The following VPS13D variants were observed in gnomAD, a reference collection of about 807,000 sequenced individuals.
The protein encoded by VPS13D is intermembrane lipid transfer protein VPS13D.
A neutral mutation model predicts 461.9 loss-of-function variants in VPS13D; 187 were observed. The ratio of observed to expected loss-of-function variants is 0.40; its 90% CI spans 0.36 to 0.46. The LOEUF (loss-of-function observed/expected upper bound fraction) is 0.46, where lower values mean the gene tolerates loss of function less well. Among genes scored for constraint, VPS13D ranks in the 20% least tolerant of loss-of-function variants. The pLI is 0.60. For missense variants in VPS13D, 4,711 were observed against 5,364.9 expected (o/e 0.88, Z 3.81); for synonymous variants, 1,951 against 1,986.3 (o/e 0.98, Z 0.47).
At chr1:12,266,374 G>T (rs1219421047) in intron 13 of VPS13D, among the ~76,000 whole-genome samples, 1 of 152,142 alleles carries the variant, frequency 6.6e-6, no homozygotes, top group Non-Finnish European at 1.5e-5. Flanking sequence ...AAACTTCGTT[G>T]TTGTCTTATT....
chr1:12,480,207 C>T (rs1010169975), intron 67 of VPS13D, among the ~76,000 whole-genome samples: 16 of 152,350 alleles, frequency 1.1e-4, no homozygotes, highest in African/African-American at 3.4e-4. Flanking sequence ...CACTTCTCTG[C>T]TGCAACCCAT....
At chr1:12,259,491 A>G (rs1200806356) in intron 10 of VPS13D, among the ~76,000 whole-genome samples, 1 of 151,504 alleles carries the variant, frequency 6.6e-6, no homozygotes, top group African/African-American at 2.4e-5. Flanking sequence ...ATTTATAGAG[A>G]CAGGGTTTCG....
chr1:12,400,471 T>C, intron 61 of VPS13D, 141 bp downstream of exon 61: 1 of 1,072,036 alleles, frequency 9.3e-7, no homozygotes, highest in Non-Finnish European at 1.3e-6. Context: ...CATAATAGAT[T>C]GTTTGGAGGA....
intron 18 of VPS13D, among the ~76,000 whole-genome samples, chr1:12,275,550 G>T (rs974708912): frequency 6.6e-6 from 1 of 152,214 alleles, no homozygotes; most frequent in Admixed American, 6.5e-5. Context: ...GGAGAAGTGG[G>T]GAGGCAGCAT....
At chr1:12,362,143 A>G (rs12096016) in intron 50 of VPS13D, among the ~76,000 whole-genome samples, 6,381 of 152,044 alleles carry the variant, frequency 0.042, 451 homozygotes, top group African/African-American at 0.14. Context: ...GATTACAGGC[A>G]TGAGCCACCA....
intron 7 of VPS13D, among the ~76,000 whole-genome samples, chr1:12,254,513 C>CTTTTTTTTT (rs1017635589): frequency 1.3e-5 from 1 of 78,256 alleles, no homozygotes; most frequent in Non-Finnish European, 2.6e-5. Context: ...AAATCTCAAT[C>CTTTTTTTTT]TTTTTTTTTT....
intron 67 of VPS13D, among the ~76,000 whole-genome samples, chr1:12,487,622 AAAAG>A (rs1033457979): frequency 2.0e-5 from 3 of 151,272 alleles, no homozygotes; most frequent in African/African-American, 7.3e-5. Context: ...AAAAAAAAAA[AAAAG>A]CAAACAAATC....
In VPS13D at chr1:12,289,198, C is replaced by T. The variant is rs1642055765; in HGVS notation, c.5725+885C>T. 2.0e-5 allele frequency among the ~76,000 whole-genome samples: 3 copies of T among 151,922 alleles called. No individual in the cohort carries two copies. In the South Asian group the frequency reaches 6.2e-4, roughly 32 times the overall value. ...AAATTCTTAGTTGAATACAAGTGAT[C>T]AACTACATCAGGTTCTAAATAGTAG... On this transcript the variant is annotated intron_variant, in intron 22 of 69. Transcript: ENST00000620676.
rs1557705699 is a variant in VPS13D at position 12,318,062 on chromosome 1, CT to C, written c.7149-5del. 2.5e-6 allele frequency: 4 copies of C among 1,595,170 alleles called. No homozygotes were observed. The highest frequency in any genetic ancestry group is 1.7e-4 in the Middle Eastern group (1 of 6,002). On this transcript the variant is annotated splice_polypyrimidine_tract_variant and intron_variant, in intron 30 of 69. Coordinates refer to ENST00000620676, the MANE Select transcript of VPS13D (RefSeq NM_015378.4). ...TTTCCTATTTATTTTCTCCTGTCTT[CT>C]TTTTATAGATCTACCAAGGATTCCT...
At chr1:12,398,890 G>GAA (rs1171525338) in intron 60 of VPS13D, among the ~76,000 whole-genome samples, 2 of 152,162 alleles carry the variant, frequency 1.3e-5, no homozygotes, top group Non-Finnish European at 2.9e-5. Context: ...CTGGCCTTGG[G>GAA]GTCAGACAGA....
chr1:12,452,324 G>A (rs1231905078), intron 65 of VPS13D, among the ~76,000 whole-genome samples: 2 of 152,204 alleles, frequency 1.3e-5, no homozygotes, highest in South Asian at 2.1e-4. Context: ...ATGAAGGATG[G>A]CCTGGGCCAG....
At chr1:12,327,928 T>G in intron 36 of VPS13D, 74 bp downstream of exon 36, 1 of 1,448,620 alleles carries the variant, frequency 6.9e-7, no homozygotes, top group Non-Finnish European at 9.3e-7. Flanking sequence ...GGCCTTTTTT[T>G]TTTTGTCATT....
chr1:12,342,864 C>G (rs752125065), intron 41 of VPS13D, 35 bp from the exon 42 acceptor site: 2 of 1,585,978 alleles, frequency 1.3e-6, no homozygotes, highest in South Asian at 2.3e-5. Context: ...TGGGAAGAAA[C>G]AGGGACAGGC....
At position 12,271,105 on chromosome 1, in the gene VPS13D, T is replaced by C. The variant is rs1437789771; in HGVS notation, c.2084T>C (p.Leu695Ser). The change falls in exon 17 of 70, where the codon TTG (leucine) becomes TCG (serine). Residue 695 changes from leucine to serine, a missense_variant. This residue lies in a region of VPS13D where 4,411 missense variants were observed against 4,937.8 expected (regional missense o/e 0.89). Transcript: ENST00000620676. Reference sequence around the variant, plus strand: ...GAAATCCGGCAAACTCTTGATCGTTTGCTAGTGGGTGATTTCATTGTAAGT... The same window carrying C: ...GAAATCCGGCAAACTCTTGATCGTTCGCTAGTGGGTGATTTCATTGTAAGT... ...KAEIRQTLDR[L>S]LVGDFIEESK... is the part of the protein sequence containing the mutation. 1.9e-6 allele frequency: 3 copies of C among 1,613,850 alleles called. No individual in the cohort carries two copies. The highest frequency in any genetic ancestry group is 1.3e-5 in the African/African-American group (1 of 74,862).
Position 12,266,746 on chromosome 1 carries a change from T to C in VPS13D, c.1595-135T>C, listed in dbSNP as rs2101314004. 3.5e-6 allele frequency: 3 copies of C among 861,616 alleles called. No homozygotes were observed. The East Asian group carries it at 9.4e-5, about 27-fold the overall frequency. The allele number at this position is 861,616 out of a possible 1,614,324, so 53.4% of individuals were successfully genotyped here. A position where few individuals can be genotyped will look rare whatever the true frequency, so the allele number is the denominator to read the frequency against. Reference sequence around the variant, plus strand: ...TGTGCCTGTAGATAGATAGGGTTTTTTTGTTTGTTTGTTTAATTTCAAGGA... The same window carrying C: ...TGTGCCTGTAGATAGATAGGGTTTTCTTGTTTGTTTGTTTAATTTCAAGGA... On this transcript the variant is annotated intron_variant, in intron 13 of 69. Coordinates refer to ENST00000620676, the MANE Select transcript of VPS13D (RefSeq NM_015378.4).
chr1:12,329,693 A>G (rs1643280682), intron 36 of VPS13D, 136 bp from the exon 37 acceptor site: 3 of 635,694 alleles, frequency 4.7e-6, no homozygotes, highest in Admixed American at 2.9e-5. Context: ...AAAAAAGTAC[A>G]TGATGAACAA....
chr1:12,341,748 G>A (rs1429219807), intron 40 of VPS13D, 32 bp from the exon 41 acceptor site: 17 of 1,599,564 alleles, frequency 1.1e-5, no homozygotes, highest in East Asian at 2.2e-5. Context: ...AGATAGGGGC[G>A]TCTGCTCATA....
intron 65 of VPS13D, among the ~76,000 whole-genome samples, chr1:12,436,103 A>G (rs1645056940): frequency 6.6e-6 from 1 of 152,218 alleles, no homozygotes; most frequent in Admixed American, 6.5e-5. Context: ...GGCACAGGGG[A>G]CACAGACATA....
Position 12,506,860 on chromosome 1 carries a change from G to T in VPS13D, c.12802G>T (p.Ala4268Ser), listed in dbSNP as rs1646116082. ...TDNIQDEFFIAVENIDSYCVL... is the reference protein window; with the variant it reads ...TDNIQDEFFISVENIDSYCVL... Reference sequence around the variant, plus strand: ...TCCCGTCTCGCTTTGCAGCTTCATCGCTGTGGAGAACATTGACAGCTACTG... The same window carrying T: ...TCCCGTCTCGCTTTGCAGCTTCATCTCTGTGGAGAACATTGACAGCTACTG... Residue 4268 changes from alanine to serine, a missense_variant, in exon 69 of 70, where the codon GCT becomes TCT. Coordinates refer to ENST00000620676, the MANE Select transcript of VPS13D (RefSeq NM_015378.4). The T allele has an allele frequency of 6.2e-7, 1 of 1,613,968 alleles. No individual in the cohort carries two copies. Among genetic ancestry groups the T allele is most frequent in the South Asian group, 1.1e-5 (1 of 91,086 alleles).
Sources: allele counts gnomAD v4.1 joint callset (sites outside exome capture counted in the v4.1 genomes callset), GRCh38; gene constraint gnomAD v4.1.1; regional missense constraint gnomAD v4.1.1; transcripts MANE v1.5; gene names NCBI Gene and HGNC (gene_info 2026-07-23, HGNC 2026-07-21).